Variants in MYO19 observed in about 807,000 individuals in gnomAD.
MYO19 encodes unconventional myosin-XIX.
Under a neutral mutation model 129.2 loss-of-function variants are expected in MYO19, and 132 were observed. The ratio of observed to expected loss-of-function variants is 1.02; its 90% confidence interval spans 0.89 to 1.18. MYO19 has a LOEUF of 1.18. Among genes scored for constraint, MYO19 ranks in the 50% most tolerant of loss-of-function variants. The pLI is 0.00. For synonymous variants in MYO19, 531 were observed against 477.2 expected (o/e 1.11, Z -1.47); for missense variants, 1,210 against 1,216.7 (o/e 0.99, Z 0.08).
rs112552128 is a variant in MYO19, at chr17:36,532,426, A to G, written c.12+101T>C. On this transcript the variant is annotated intron_variant, in intron 3 of 25. Transcript: ENST00000614623. ...ACTGGAGAGACAATTTGAGGAGAGA[A>G]AAGAGACCTTTAAGGGGGCTTTCCC... is the stretch of plus-strand genomic sequence containing the variant. The G allele has an allele frequency of 1.1e-5, 15 of 1,404,614 alleles. 1 individual carries two copies. Among genetic ancestry groups the G allele is most frequent in the African/African-American group, 5.7e-5 (4 of 70,112 alleles). 87.0% of individuals were successfully genotyped at this position (1,404,614 alleles called of 1,614,324 possible). A position where few individuals can be genotyped will look rare whatever the true frequency, so the allele number is the denominator to read the frequency against.
At chr17:36,537,964 G>T (rs1745821520), upstream of MYO19, 4 of 1,613,934 alleles carry the variant, frequency 2.5e-6, no homozygotes, top group Middle Eastern at 1.6e-4. Context: ...ATATTATATG[G>T]CACTGATGGT....
chr17:36,496,470 C>T, intron 25 of MYO19, 64 bp from the exon 26 acceptor site: 1 of 1,539,636 alleles, frequency 6.5e-7, no homozygotes, highest in East Asian at 2.3e-5. Flanking sequence ...CCTAACAACC[C>T]CACAGAGCAG....
At chr17:36,517,215 T>A (rs8069499) in intron 6 of MYO19, among the ~76,000 whole-genome samples, 6,284 of 152,300 alleles carry the variant, frequency 0.041, 176 homozygotes, top group African/African-American at 0.069. Context: ...GTGATTTACA[T>A]CTTTTTTCTC....
chr17:36,536,962 T>A, upstream of MYO19: 1 of 697,430 alleles, frequency 1.4e-6, no homozygotes, highest in Non-Finnish European at 2.4e-6. Flanking sequence ...GAATCACAAA[T>A]CCTAGGTGAA....
upstream of MYO19, chr17:36,538,310 A>C (rs781099324): frequency 6.2e-7 from 1 of 1,613,652 alleles, no homozygotes; most frequent in South Asian, 1.1e-5. Flanking sequence ...TTCTAATTAA[A>C]GGAGCTCTAG....
upstream of MYO19, among the ~76,000 whole-genome samples, chr17:36,536,349 T>C (rs1381479367): frequency 6.6e-6 from 1 of 152,054 alleles, no homozygotes. Flanking sequence ...CAAAATGTAC[T>C]TGGCCCCTAG....
chr17:36,513,367 C>T (rs1301402397), intron 11 of MYO19, 62 bp downstream of exon 11: 9 of 1,613,410 alleles, frequency 5.6e-6, no homozygotes, highest in Non-Finnish European at 7.6e-6. Context: ...CAGGGAAAAG[C>T]TCTATGCAAA....
chr17:36,506,435 C>G lies in MYO19; in HGVS notation c.1797+21G>C, dbSNP rs1428787064. 3.1e-6 allele frequency: 5 copies of G among 1,613,774 alleles called. 1 individual carries two copies. ...CCGTGGAGTTTGAACCAAGCACCTC[C>G]CATCAGCACATCAGACCCACCTTGA... is the stretch of plus-strand genomic sequence containing the variant. On this transcript the variant is annotated intron_variant, in intron 18 of 25. Coordinates refer to ENST00000614623, the MANE Select transcript of MYO19 (RefSeq NM_001163735.2).
Position 36,495,912 on chromosome 17 carries a change from C to T in MYO19, c.*339G>A. ...TTAGGCCAACTTTGGCTGTTTTCTT[C>T]CAAAAGTGCTTATGTGGAATTGGGA... On this transcript the variant is annotated 3_prime_UTR_variant, in exon 26 of 26. Transcript: ENST00000614623. 8.5e-7 allele frequency: 1 copy of T among 1,174,492 alleles called. No homozygotes were observed. Among genetic ancestry groups the T allele is most frequent in the Non-Finnish European group, 1.1e-6 (1 of 934,308 alleles). The allele number at this position is 1,174,492 out of a possible 1,614,324, so 72.8% of individuals were successfully genotyped here. A position where few individuals can be genotyped will look rare whatever the true frequency, so the allele number is the denominator to read the frequency against.
chr17:36,504,154 G>T, intron 19 of MYO19, 134 bp from the exon 20 acceptor site: 1 of 616,266 alleles, frequency 1.6e-6, no homozygotes, highest in Admixed American at 3.5e-5. Context: ...GGCTAATGGG[G>T]GTATCTCCTT....
At chr17:36,527,830 GAAGAA>G in intron 4 of MYO19, 131 bp from the exon 5 acceptor site, 3 of 1,156,494 alleles carry the variant, frequency 2.6e-6, no homozygotes, top group Non-Finnish European at 3.6e-6. Flanking sequence ...GCAGCTCCCT[GAAGAA>G]AAGATACAAG....
chr17:36,504,168 G>A, intron 19 of MYO19, 148 bp from the exon 20 acceptor site: 1 of 555,796 alleles, frequency 1.8e-6, no homozygotes, highest in Non-Finnish European at 3.1e-6. Flanking sequence ...TCTCCTTGGG[G>A]CTGTGAGAAA....
At chr17:36,497,006 G>A (rs922135462) in intron 25 of MYO19, among the ~76,000 whole-genome samples, 1 of 152,010 alleles carries the variant, frequency 6.6e-6, no homozygotes, top group Middle Eastern at 3.2e-3. Context: ...ATGACTTCCT[G>A]AGTGTGCTGG....
Position 36,496,105 on chromosome 17 carries a change from G to A in MYO19, c.*146C>T. 1 of 1,140,166 alleles carries A rather than the reference G, an allele frequency of 8.8e-7. No individual in the cohort carries two copies. Among genetic ancestry groups the A allele is most frequent in the Non-Finnish European group, 1.3e-6 (1 of 797,870 alleles). The allele number at this position is 1,140,166 out of a possible 1,614,324, so 70.6% of individuals were successfully genotyped here. A position where few individuals can be genotyped will look rare whatever the true frequency, so the allele number is the denominator to read the frequency against. ...AGGCCCACTGACGCACTGGGCACGG[G>A]GCTCTGGGTCGAAGGCTGGAGCCGT... On this transcript the variant is annotated 3_prime_UTR_variant, in exon 26 of 26. Transcript: ENST00000614623.
chr17:36,525,089 A>G (rs2073379453), intron 6 of MYO19, 139 bp downstream of exon 6: 2 of 663,298 alleles, frequency 3.0e-6, no homozygotes, highest in East Asian at 2.6e-5. Context: ...ACCATTGTGC[A>G]CCAACCCCAG....
At chr17:36,508,521 G>A (rs1233459114) in intron 14 of MYO19, 2 of 159,274 alleles carry the variant, frequency 1.3e-5, no homozygotes, top group African/African-American at 4.8e-5. Flanking sequence ...GCTCACAGAA[G>A]CTTCAAACTC....
At chr17:36,521,846 C>T (rs976695352) in intron 6 of MYO19, among the ~76,000 whole-genome samples, 8 of 151,162 alleles carry the variant, frequency 5.3e-5, no homozygotes, top group Non-Finnish European at 1.2e-4. Flanking sequence ...TCTTGGCCAA[C>T]ATGGTGAAAC....
At position 36,508,183 on chromosome 17, in the gene MYO19, G is replaced by C. The variant is rs536220513; in HGVS notation, c.1232-259C>G. 377 of 328,846 alleles carry C rather than the reference G, an allele frequency of 1.1e-3. 4 individuals carry two copies. The highest frequency in any genetic ancestry group is 2.0e-4 in the Non-Finnish European group (37 of 181,218). 20.4% of individuals were successfully genotyped at this position (328,846 alleles called of 1,614,324 possible). ...CCAAATGAAGTGTGAAGACAGCCCA[G>C]AGCATCAGGCCCATTTTTGAGTCTG... On this transcript the variant is annotated intron_variant, in intron 14 of 25. Coordinates refer to ENST00000614623, the MANE Select transcript of MYO19 (RefSeq NM_001163735.2).
chr17:36,504,012 G>A lies in MYO19; in HGVS notation c.1914C>T (p.Ser638=). Residue 638 remains serine, a synonymous_variant, in exon 20 of 26, where the codon AGC becomes AGT. Coordinates refer to ENST00000614623, the MANE Select transcript of MYO19 (RefSeq NM_001163735.2). Reference sequence around the variant, plus strand: ...CCACGAGGCCACAGGCCTCCAGCTGGCTCAGGACCTGCAAGGGTGGGGAGA... The same window carrying A: ...CCACGAGGCCACAGGCCTCCAGCTGACTCAGGACCTGCAAGGGTGGGGAGA... ...AQTFLQEEVL[S]QLEACGLVET... The A allele has an allele frequency of 6.4e-7, 1 of 1,574,020 alleles. No individual in the cohort carries two copies. The highest frequency in any genetic ancestry group is 8.6e-7 in the Non-Finnish European group (1 of 1,162,430).
Sources: gnomAD v4.1 joint callset for allele counts (sites outside exome capture counted in the v4.1 genomes callset) on GRCh38, gnomAD v4.1.1 for gene constraint, MANE v1.5 for transcripts, NCBI Gene and HGNC (gene_info 2026-07-23, HGNC 2026-07-21) for gene names.